Variants in TBL1X observed in about 807,000 individuals in gnomAD.
The protein encoded by TBL1X is transducin beta like 1 X-linked, also known as F-box-like/WD repeat-containing protein TBL1X.
TBL1X carries 10 observed loss-of-function variants against 50.7 expected under a neutral mutation model. The ratio of observed to expected loss-of-function variants is 0.20; its 90% confidence interval spans 0.12 to 0.33. TBL1X has a LOEUF of 0.33. TBL1X is among the 10% of genes least tolerant of loss of function. The pLI, the probability that TBL1X is intolerant of heterozygous loss-of-function variation, is 1.00. For synonymous variants in TBL1X, 190 were observed against 214.7 expected (o/e 0.88, Z 1.01); for missense variants, 340 against 504.4 (o/e 0.67, Z 3.12).
At chrX:9,688,394 C>A in intron 7 of TBL1X, 119 bp downstream of exon 7, 1 of 648,101 alleles carries the variant, frequency 1.5e-6, no homozygotes, top group Non-Finnish European at 2.2e-6. Context: ...AAGCTGCTCT[C>A]TAGTGTTTGC....
chrX:9,483,647 C>T (rs1316073986), intron 1 of TBL1X, among the ~76,000 whole-genome samples: 1 of 111,296 alleles, frequency 9.0e-6, no homozygotes, highest in Non-Finnish European at 1.9e-5. Flanking sequence ...TTCCACCCTC[C>T]GACAAGCCCT....
chrX:9,640,978 T>C (rs1257907828), intron 3 of TBL1X, among the ~76,000 whole-genome samples: 3 of 112,135 alleles, frequency 2.7e-5, no homozygotes, highest in Non-Finnish European at 5.6e-5. Context: ...CAAATTTTTC[T>C]GGGTCTTACC....
At chrX:9,655,191 C>T (rs1228013848) in intron 5 of TBL1X, among the ~76,000 whole-genome samples, 1 of 111,053 alleles carries the variant, frequency 9.0e-6, no homozygotes, top group Non-Finnish European at 1.9e-5. Flanking sequence ...TAATGACGTA[C>T]CGCAAACTGG....
intron 2 of TBL1X, among the ~76,000 whole-genome samples, chrX:9,551,698 A>C (rs909613221): frequency 3.6e-5 from 4 of 111,030 alleles, no homozygotes; most frequent in Admixed American, 2.9e-4. Flanking sequence ...ATTCCAAGGT[A>C]TTTGTGGAGA....
intron 1 of TBL1X, among the ~76,000 whole-genome samples, chrX:9,476,837 C>T (rs1344157075): frequency 8.9e-6 from 1 of 112,162 alleles, no homozygotes; most frequent in Non-Finnish European, 1.9e-5. Context: ...AAATAAAAAT[C>T]AAATCAATTT....
intron 2 of TBL1X, among the ~76,000 whole-genome samples, chrX:9,590,439 T>A (rs2082494190): frequency 8.9e-6 from 1 of 111,866 alleles, no homozygotes; most frequent in African/African-American, 3.3e-5. Flanking sequence ...AGGAGCCATT[T>A]ATATGATTAA....
intron 2 of TBL1X, among the ~76,000 whole-genome samples, chrX:9,559,086 G>A (rs1427379914): frequency 9.0e-6 from 1 of 111,656 alleles, no homozygotes; most frequent in Admixed American, 9.5e-5. Context: ...TTTAGATACT[G>A]TGAATCCAGC....
At chrX:9,600,708 T>C (rs769557658) in intron 2 of TBL1X, among the ~76,000 whole-genome samples, 2 of 111,762 alleles carry the variant, frequency 1.8e-5, no homozygotes, top group South Asian at 3.8e-4. Context: ...GATGTTATTA[T>C]AATGTTAGGT....
At chrX:9,646,671 A>C (rs1211711014) in intron 3 of TBL1X, among the ~76,000 whole-genome samples, 1 of 112,032 alleles carries the variant, frequency 8.9e-6, no homozygotes, top group Admixed American at 9.5e-5. Flanking sequence ...CAAGCAATGG[A>C]TTCTTCCAGC....
intron 5 of TBL1X, among the ~76,000 whole-genome samples, chrX:9,658,364 G>A (rs1303680627): frequency 3.6e-5 from 4 of 110,784 alleles, no homozygotes; most frequent in East Asian, 2.9e-4. Flanking sequence ...CCGTGAGCTC[G>A]TGTTACCATC....
chrX:9,585,691 CT>C (rs1056758535), intron 2 of TBL1X, among the ~76,000 whole-genome samples: 1 of 111,540 alleles, frequency 9.0e-6, no homozygotes, highest in Non-Finnish European at 1.9e-5. Context: ...CCAGGCCTCT[CT>C]TCTTGGCTTG....
chrX:9,711,627 A>G lies in TBL1X; in HGVS notation c.1456A>G (p.Thr486Ala), dbSNP rs938400175. 8.4e-7 allele frequency: 1 copy of G among 1,196,018 alleles called. No homozygotes were observed. The highest frequency in any genetic ancestry group is 1.1e-6 in the Non-Finnish European group (1 of 886,568). The change falls in exon 16 of 18, where the codon ACG becomes GCG. Residue 486 changes from threonine to alanine, a missense_variant. By Grantham distance (58) the Thr-to-Ala change is moderately conservative. Around this residue, in one of 6 missense-constraint regions of TBL1X, gnomAD observed 170 missense variants for 272.6 expected, o/e 0.62. Coordinates refer to ENST00000645353, the MANE Select transcript of TBL1X (RefSeq NM_005647.4). ...CCTTGCTAGTGCTTCGTTTGATTCT[A>G]CGGTGCGACTGTGGGACATAGAACG... Reference protein sequence around the residue: ...IMLASASFDSTVRLWDIERGV... With the variant: ...IMLASASFDSAVRLWDIERGV...
At chrX:9,663,056 T>A (rs1192146304) in intron 5 of TBL1X, among the ~76,000 whole-genome samples, 1 of 111,460 alleles carries the variant, frequency 9.0e-6, no homozygotes, top group Non-Finnish European at 1.9e-5. Flanking sequence ...GGTGAGAAGT[T>A]CCATGTGTAG....
chrX:9,519,376 G>C (rs1018792268), intron 2 of TBL1X, among the ~76,000 whole-genome samples: 2 of 111,316 alleles, frequency 1.8e-5, no homozygotes, highest in African/African-American at 6.5e-5. Flanking sequence ...GTCCCAAAGC[G>C]CTTGGATTAT....
intron 14 of TBL1X, 70 bp downstream of exon 14, chrX:9,709,392 C>T: frequency 5.4e-6 from 6 of 1,101,074 alleles, no homozygotes; most frequent in African/African-American, 3.6e-5. Context: ...GCCAGTCTCA[C>T]GGTCACTCTT....
intron 2 of TBL1X, among the ~76,000 whole-genome samples, chrX:9,616,112 C>T (rs995684336): frequency 8.9e-6 from 1 of 111,799 alleles, no homozygotes; most frequent in African/African-American, 3.3e-5. Flanking sequence ...ACAATGAGAA[C>T]ATATTAAATC....
Position 9,713,421 on chromosome X carries a change from C to CTTTTTT in TBL1X, c.1606-1477_1606-1476insTTTTTT, listed in dbSNP as rs757107084. Among the ~76,000 whole-genome samples the CTTTTTT allele has an allele frequency of 4.3e-4, 38 of 87,563 alleles. 2 individuals are homozygous for CTTTTTT. Among genetic ancestry groups the CTTTTTT allele is most frequent in the Admixed American group, 5.3e-4 (4 of 7,495 alleles). 76.0% of individuals were successfully genotyped at this position (87,563 alleles called of 115,157 possible). A position where few individuals can be genotyped will look rare whatever the true frequency, so the allele number is the denominator to read the frequency against. On this transcript the variant is annotated intron_variant, in intron 16 of 17. Transcript: ENST00000645353. ...TTATAAATCAAAGAAATCCTTAGGA[C>CTTTTTT]TTTTCTTTTTTTTTTTTTTTTTTGG...
Position 9,659,724 on chromosome X carries a change from G to A in TBL1X, c.211+5402G>A, listed in dbSNP as rs143465965. On this transcript the variant is annotated intron_variant, in intron 5 of 17. Coordinates refer to ENST00000645353, the MANE Select transcript of TBL1X (RefSeq NM_005647.4). ...ATCTAAGGCAGAGGCAGGACACGTCGTAAACATGACTGGTTTTATAGACGT... is the reference window on the plus strand; with the variant it reads ...ATCTAAGGCAGAGGCAGGACACGTCATAAACATGACTGGTTTTATAGACGT... Among the ~76,000 whole-genome samples the A allele has an allele frequency of 8.7e-3, 972 of 112,115 alleles. 11 individuals are homozygous for A. The highest frequency in any genetic ancestry group is 0.03 in the African/African-American group (916 of 30,870).
chrX:9,686,950 A>T (rs1177307583), intron 6 of TBL1X, among the ~76,000 whole-genome samples: 1 of 112,148 alleles, frequency 8.9e-6, no homozygotes, highest in East Asian at 2.8e-4. Context: ...CTTTATTTTG[A>T]ATATTGTCTT....
Sources: gnomAD v4.1 joint callset for allele counts (sites outside exome capture counted in the v4.1 genomes callset) on GRCh38, gnomAD v4.1.1 for gene constraint, gnomAD v4.1.1 regional missense constraint, MANE v1.5 for transcripts, NCBI Gene and HGNC (gene_info 2026-07-23, HGNC 2026-07-21) for gene names.